Variants in KCNIP2 observed in about 807,000 individuals in gnomAD.
The protein encoded by KCNIP2 is potassium voltage-gated channel interacting protein 2.
Under a neutral mutation model 39.0 loss-of-function variants are expected in KCNIP2, and 19 were observed. The ratio of observed to expected loss-of-function variants is 0.49; its 90% CI spans 0.34 to 0.71. The LOEUF (loss-of-function observed/expected upper bound fraction) is 0.71. KCNIP2 is among the 30% of genes least tolerant of loss of function. KCNIP2 has a pLI of 0.01. For synonymous variants in KCNIP2, 111 were observed against 131.2 expected, an observed-to-expected ratio of 0.85 and a Z score of 1.05; for missense variants, 261 against 346.0, an observed-to-expected ratio of 0.75 and a Z score of 1.95.
Position 101,828,756 on chromosome 10 carries a change from CCA to C in KCNIP2, c.349-62_349-61del. 2 of 1,613,132 alleles carry C rather than the reference CCA, an allele frequency of 1.2e-6. No homozygotes were observed. Among genetic ancestry groups the C allele is most frequent in the Non-Finnish European group, 1.7e-6 (2 of 1,179,246 alleles). On this transcript the variant is annotated intron_variant, in intron 4 of 9. Coordinates refer to ENST00000356640, the MANE Select transcript of KCNIP2 (RefSeq NM_173191.3). The surrounding 1 kb of genome is among the most constrained non-coding windows in gnomAD (Gnocchi z 6.6). ...CAAAATCCCCTTCCGTTCACCGCCCCCACCCTCCATGGCCCAAGACTCCCAGG... is the reference window on the plus strand; with the variant it reads ...CAAAATCCCCTTCCGTTCACCGCCCCCCCTCCATGGCCCAAGACTCCCAGG...
intron 1 of KCNIP2, chr10:101,839,924 G>C: frequency 7.2e-7 from 1 of 1,385,036 alleles, no homozygotes; most frequent in East Asian, 2.6e-5. Context: ...GTAGGCCCGC[G>C]TGGGCGGCGC....
At chr10:101,834,693 A>T (rs1257924060) in intron 1 of KCNIP2, among the ~76,000 whole-genome samples, 1 of 152,088 alleles carries the variant, frequency 6.6e-6, no homozygotes, top group Non-Finnish European at 1.5e-5. Context: ...TCCCCTAGAC[A>T]TCCTGTGGCT....
intron 1 of KCNIP2, 100 bp from the exon 2 acceptor site, chr10:101,831,267 C>T (rs1471083071): frequency 4.3e-6 from 4 of 933,258 alleles, no homozygotes; most frequent in Admixed American, 2.5e-5. Flanking sequence ...ATCTGGGGAC[C>T]GGGCTGGGGG....
rs762753361 is a variant in KCNIP2 at position 101,827,880 on chromosome 10, C to T, written c.702+9G>A. The T allele has an allele frequency of 1.2e-6, 2 of 1,609,514 alleles. No individual in the cohort carries two copies. On this transcript the variant is annotated intron_variant, in intron 8 of 9. Transcript: ENST00000356640. ...TCCAGGGCCCTCCAGCCTACCCACTCCCAAGTACCTGGAAGAAGCTCTCCA... is the reference window on the plus strand; with the variant it reads ...TCCAGGGCCCTCCAGCCTACCCACTTCCAAGTACCTGGAAGAAGCTCTCCA...
At position 101,832,180 on chromosome 10, in the gene KCNIP2, G is replaced by C. The variant is rs551406704; in HGVS notation, c.74-1013C>G. 2.9e-4 allele frequency among the ~76,000 whole-genome samples: 44 copies of C among 152,272 alleles called. 1 individual carries two copies. The South Asian group carries it at 7.7e-3, about 27-fold the overall frequency. ...AAGAGATCTTGGAGGCGAGTATTCT[G>C]GTGTATTGTGGGGCTATCCATGGCC... On this transcript the variant is annotated intron_variant, in intron 1 of 9. Transcript: ENST00000356640.
intron 1 of KCNIP2, among the ~76,000 whole-genome samples, chr10:101,833,310 T>G (rs1341448068): frequency 1.3e-5 from 2 of 151,954 alleles, no homozygotes; most frequent in African/African-American, 2.4e-5. Context: ...CTACTGACTT[T>G]GGGGTGGGCT....
At position 101,829,064 on chromosome 10, in the gene KCNIP2, C is replaced by T; in HGVS notation, c.348+11G>A. On this transcript the variant is annotated intron_variant, in intron 4 of 9. Transcript: ENST00000356640. Reference sequence around the variant, plus strand: ...CCACCCTCGCTGAGTTTGGCCTCGCCTTGCACTCACGTTCTTGAAGCCCCG... The same window carrying T: ...CCACCCTCGCTGAGTTTGGCCTCGCTTTGCACTCACGTTCTTGAAGCCCCG... 1 of 1,612,764 alleles carries T rather than the reference C, an allele frequency of 6.2e-7. No individual in the cohort carries two copies. The highest frequency in any genetic ancestry group is 1.1e-5 in the South Asian group (1 of 90,918).
intron 2 of KCNIP2, 197 bp from the exon 3 acceptor site, chr10:101,830,094 C>G: frequency 2.9e-6 from 2 of 686,916 alleles, no homozygotes; most frequent in Non-Finnish European, 5.0e-6. Flanking sequence ...AATCCACCCC[C>G]GTGTGGGACC....
Position 101,843,766 on chromosome 10 carries a change from G to A in KCNIP2, c.-198C>T. 2 of 378,834 alleles carry A rather than the reference G, an allele frequency of 5.3e-6. No homozygotes were observed. Among genetic ancestry groups the A allele is most frequent in the Non-Finnish European group, 4.7e-6 (1 of 213,052 alleles). 23.5% of individuals were successfully genotyped at this position (378,834 alleles called of 1,614,324 possible). On this transcript the variant is annotated 5_prime_UTR_variant, in exon 1 of 10. Coordinates refer to ENST00000356640, the MANE Select transcript of KCNIP2 (RefSeq NM_173191.3). This position sits in a 1 kb window ranked among gnomAD's most constrained non-coding sequence, Gnocchi z 6.7. ...GGAGCAGGAGAGGGAACACTAGGCA[G>A]CAGGTGAGCGCAGAGCCGGAGGCAG...
rs759321327 is a variant in KCNIP2, at chr10:101,843,536, G to A, written c.33C>T (p.Ser11=). 36 of 1,579,636 alleles carry A rather than the reference G, an allele frequency of 2.3e-5. No individual in the cohort carries two copies. The highest frequency in any genetic ancestry group is 3.3e-4 in the Middle Eastern group (2 of 5,988). The change falls in exon 1 of 10, where the codon TCC becomes TCT. Residue 11 remains serine, a synonymous_variant. Coordinates refer to ENST00000356640, the MANE Select transcript of KCNIP2 (RefSeq NM_173191.3). The surrounding 1 kb of genome is among the most constrained non-coding windows in gnomAD (Gnocchi z 6.7). MRGQGRKESL[S]DSRDLDGSYD... ...AGGAGCCGTCCAGGTCTCGGGAATC[G>A]GACAAACTCTCCTTGCGGCCCTGGC...
chr10:101,833,580 C>T (rs2066059719), intron 1 of KCNIP2, among the ~76,000 whole-genome samples: 1 of 152,126 alleles, frequency 6.6e-6, no homozygotes, highest in African/African-American at 2.4e-5. Context: ...CAGCCACATG[C>T]ACAACCTGAT....
intron 3 of KCNIP2, 36 bp downstream of exon 3, chr10:101,829,808 C>A (rs1212618327): frequency 7.7e-7 from 1 of 1,305,180 alleles, no homozygotes; most frequent in Non-Finnish European, 9.9e-7. Context: ...CAAAGCCGCC[C>A]TGCCCCGCCC....
At position 101,828,729 on chromosome 10, in the gene KCNIP2, G is replaced by A. The variant is rs757203241; in HGVS notation, c.349-33C>T. 6.2e-7 allele frequency: 1 copy of A among 1,614,010 alleles called. No individual in the cohort carries two copies. Among genetic ancestry groups the A allele is most frequent in the Non-Finnish European group, 8.5e-7 (1 of 1,179,922 alleles). On this transcript the variant is annotated intron_variant, in intron 4 of 9. Transcript: ENST00000356640. The surrounding 1 kb of genome is among the most constrained non-coding windows in gnomAD (Gnocchi z 6.6). ...GAGAGGGCACCAGGCTGAGGGCAGAGACAAAATCCCCTTCCGTTCACCGCC... is the reference window on the plus strand; with the variant it reads ...GAGAGGGCACCAGGCTGAGGGCAGAAACAAAATCCCCTTCCGTTCACCGCC...
intron 1 of KCNIP2, chr10:101,839,743 C>T (rs775164990): frequency 7.3e-5 from 118 of 1,612,418 alleles, no homozygotes; most frequent in Non-Finnish European, 9.7e-5. Flanking sequence ...CCTTCCCTTC[C>T]TCATCATACC....
intron 2 of KCNIP2, 33 bp downstream of exon 2, chr10:101,831,039 C>T (rs2065974039): frequency 6.3e-7 from 1 of 1,579,600 alleles, no homozygotes; most frequent in Non-Finnish European, 8.7e-7. Flanking sequence ...ACACATCGAG[C>T]CCCGCCCCCG....
chr10:101,828,469 G>A lies in KCNIP2; in HGVS notation c.419-10C>T, dbSNP rs765810060. On this transcript the variant is annotated splice_polypyrimidine_tract_variant and intron_variant, in intron 5 of 9. Coordinates refer to ENST00000356640, the MANE Select transcript of KCNIP2 (RefSeq NM_173191.3). The surrounding 1 kb of genome is among the most constrained non-coding windows in gnomAD (Gnocchi z 6.6). ...GCATAGGTGCTGGAGTCTGCAGGGTGAGTGTGGAGAAGTTGGCTTCCACAC... is the reference window on the plus strand; with the variant it reads ...GCATAGGTGCTGGAGTCTGCAGGGTAAGTGTGGAGAAGTTGGCTTCCACAC... 6 of 1,613,802 alleles carry A rather than the reference G, an allele frequency of 3.7e-6. No individual in the cohort carries two copies. Among genetic ancestry groups the A allele is most frequent in the Non-Finnish European group, 5.1e-6 (6 of 1,179,904 alleles).
Position 101,828,507 on chromosome 10 carries a change from C to T in KCNIP2, c.419-48G>A, listed in dbSNP as rs1259946209. The stretch of plus-strand genomic sequence containing the variant: ...TTGGCTTCCACACAGGAGAGGACTT[C>T]CTCCCTCTAAGGAGCTCCCCATACC... On this transcript the variant is annotated intron_variant, in intron 5 of 9. Coordinates refer to ENST00000356640, the MANE Select transcript of KCNIP2 (RefSeq NM_173191.3). This position sits in a 1 kb window ranked among gnomAD's most constrained non-coding sequence, Gnocchi z 6.6. The T allele has an allele frequency of 1.2e-6, 2 of 1,606,282 alleles. No individual in the cohort carries two copies. The highest frequency in any genetic ancestry group is 1.1e-5 in the South Asian group (1 of 90,586).
chr10:101,833,919 C>T (rs1181623898), intron 1 of KCNIP2, among the ~76,000 whole-genome samples: 1 of 151,992 alleles, frequency 6.6e-6, no homozygotes, highest in African/African-American at 2.4e-5. Context: ...CCCTCCTCTA[C>T]TCTAGACACT....
At chr10:101,841,371 A>T (rs986007280) in intron 1 of KCNIP2, among the ~76,000 whole-genome samples, 1 of 152,188 alleles carries the variant, frequency 6.6e-6, no homozygotes, top group Non-Finnish European at 1.5e-5. Context: ...CAGCTTAGGC[A>T]TCTCTCAGCG....
Sources: allele counts gnomAD v4.1 joint callset (sites outside exome capture counted in the v4.1 genomes callset), GRCh38; gene constraint gnomAD v4.1.1; non-coding constraint Gnocchi (gnomAD v3.1); transcripts MANE v1.5; gene names NCBI Gene and HGNC (gene_info 2026-07-23, HGNC 2026-07-21).